ZNF333: variants seen among roughly 807,000 people sequenced by gnomAD.
The protein encoded by ZNF333 is zinc finger protein 333.
ZNF333 carries 61 observed loss-of-function variants against 76.1 expected under a neutral mutation model. That is an observed-to-expected ratio of 0.80 (90% CI 0.65 to 0.99). ZNF333 has a LOEUF of 0.99. Ranked by LOEUF, ZNF333 falls within the 50% of genes least tolerant of loss-of-function variation. ZNF333 has a pLI of 0.00. For synonymous variants in ZNF333, 284 were observed against 305.0 expected, an observed-to-expected ratio of 0.93 and a Z score of 0.72; for missense variants, 717 against 822.4, an observed-to-expected ratio of 0.87 and a Z score of 1.57.
chr19:14,706,345 G>T (rs2042110038), intron 6 of ZNF333: 2 of 388,268 alleles, frequency 5.2e-6, no homozygotes, highest in African/African-American at 2.1e-5. Flanking sequence ...ATTCACGCAG[G>T]TCCACCTCCA....
At chr19:14,711,099 G>A (rs367639120) in intron 7 of ZNF333, among the ~76,000 whole-genome samples, 26 of 152,282 alleles carry the variant, frequency 1.7e-4, no homozygotes, top group African/African-American at 5.5e-4. Context: ...TGAGGGATCT[G>A]CCCCCAAGTC....
intron 5 of ZNF333, among the ~76,000 whole-genome samples, chr19:14,704,699 C>T (rs899902274): frequency 6.6e-6 from 1 of 152,208 alleles, no homozygotes; most frequent in Non-Finnish European, 1.5e-5. Context: ...TCTCGTGAGA[C>T]TTACTCATTA....
chr19:14,696,731 C>CTTTT (rs55742444), intron 4 of ZNF333, among the ~76,000 whole-genome samples: 2 of 82,706 alleles, frequency 2.4e-5, no homozygotes, highest in African/African-American at 5.1e-5. Context: ...ACCTAATCAC[C>CTTTT]TTTTTTTTTT....
At chr19:14,691,207 T>C (rs985442188) in intron 1 of ZNF333, among the ~76,000 whole-genome samples, 1 of 152,236 alleles carries the variant, frequency 6.6e-6, no homozygotes, top group East Asian at 1.9e-4. Flanking sequence ...AGTTTCTCAC[T>C]GTTAGGTTAA....
intron 8 of ZNF333, 35 bp downstream of exon 8, chr19:14,715,505 C>G (rs376820991): frequency 2.2e-5 from 35 of 1,586,474 alleles, no homozygotes; most frequent in Non-Finnish European, 3.0e-5. Context: ...AAGAACACTG[C>G]TGTGCCCAAA....
chr19:14,730,870 C>G (rs1191184234), intron 11 of ZNF333, among the ~76,000 whole-genome samples: 2 of 151,526 alleles, frequency 1.3e-5, no homozygotes, highest in Non-Finnish European at 2.9e-5. Flanking sequence ...TCACGTGTAC[C>G]CAATATTTAG....
intron 10 of ZNF333, 42 bp from the exon 11 acceptor site, chr19:14,717,614 CT>C (rs1368323917): frequency 6.3e-7 from 1 of 1,574,864 alleles, no homozygotes; most frequent in Non-Finnish European, 8.7e-7. Flanking sequence ...CCCACAGTTT[CT>C]TTCTCTGTGT....
At chr19:14,727,037 T>TC (rs977117625) in intron 11 of ZNF333, among the ~76,000 whole-genome samples, 2 of 144,912 alleles carry the variant, frequency 1.4e-5, no homozygotes, top group Non-Finnish European at 3.0e-5. Flanking sequence ...TTTTTTTTTT[T>TC]TTTTTTTTTT....
At chr19:14,700,418 G>T (rs1973593581) in intron 5 of ZNF333, 1 of 152,270 alleles carries the variant, frequency 6.6e-6, no homozygotes, top group African/African-American at 2.4e-5. Flanking sequence ...CTGTAACCTG[G>T]ATGTGGGTGA....
At chr19:14,699,130 A>G in intron 4 of ZNF333, 69 bp from the exon 5 acceptor site, 2 of 1,175,728 alleles carry the variant, frequency 1.7e-6, no homozygotes, top group South Asian at 1.2e-5. Flanking sequence ...ATATATGTGA[A>G]TATATATTTT....
chr19:14,720,825 AC>A lies in ZNF333; in HGVS notation c.*1501del. 1.0e-6 allele frequency: 1 copy of A among 974,216 alleles called. No homozygotes were observed. The highest frequency in any genetic ancestry group is 5.3e-4 in the Middle Eastern group (1 of 1,902). The allele number at this position is 974,216 out of a possible 1,614,324, so 60.3% of individuals were successfully genotyped here. A position where few individuals can be genotyped will look rare whatever the true frequency, so the allele number is the denominator to read the frequency against. On this transcript the variant is annotated 3_prime_UTR_variant, in exon 12 of 12. Transcript: ENST00000292530. Reference sequence around the variant, plus strand: ...GCATTTATTGAGAGAGGTATGTTAAACTCTCCCACCATGATTATGTATTGCT... The same window carrying A: ...GCATTTATTGAGAGAGGTATGTTAAATCTCCCACCATGATTATGTATTGCT...
Position 14,717,062 on chromosome 19 carries a change from A to G in ZNF333, c.796A>G (p.Arg266Gly). Residue 266 changes from arginine (R) to glycine (G), a missense_variant, in exon 10 of 12, where the codon AGG becomes GGG. Coordinates refer to ENST00000292530, the MANE Select transcript of ZNF333 (RefSeq NM_032433.4). ...EERGEQWTTDRGVLSDTCAEP... is the reference protein window; with the variant it reads ...EERGEQWTTDGGVLSDTCAEP... ...AAGAGGAGAGCAGTGGACCACTGAC[A>G]GGGGCGTCCTCTCAGACACCTGTGC... The G allele has an allele frequency of 6.2e-7, 1 of 1,609,904 alleles. No individual in the cohort carries two copies.
Position 14,693,313 on chromosome 19 carries a change from C to A in ZNF333, c.-41-138C>A, listed in dbSNP as rs1186190734. On this transcript the variant is annotated intron_variant, in intron 1 of 11. Transcript: ENST00000292530. ...ACTAGAGGCTGTTGTTTGAAAGGTG[C>A]CTTGGGGGCCAACATGTTGCTTATG... 3 of 508,242 alleles carry A rather than the reference C, an allele frequency of 5.9e-6. No homozygotes were observed. The Admixed American group carries it at 1.0e-4, about 18-fold the overall frequency. 31.5% of individuals were successfully genotyped at this position (508,242 alleles called of 1,614,324 possible).
intron 8 of ZNF333, among the ~76,000 whole-genome samples, chr19:14,715,778 T>C (rs144696157): frequency 6.6e-6 from 1 of 152,350 alleles, no homozygotes; most frequent in Non-Finnish European, 1.5e-5. Flanking sequence ...CTCTTGCCTG[T>C]ACCATGCTCA....
chr19:14,700,069 T>C (rs1458089186), intron 5 of ZNF333: 1 of 152,236 alleles, frequency 6.6e-6, no homozygotes, highest in East Asian at 1.9e-4. Flanking sequence ...CAGTGGCATG[T>C]TCATGGCTCA....
At chr19:14,731,565 G>A (rs759043013) in exon 12 of ZNF333, 36 of 202,028 alleles carry the variant, frequency 1.8e-4, no homozygotes, top group Non-Finnish European at 3.1e-4. Flanking sequence ...TTCTTCAAAC[G>A]TGTACCCTAG....
intron 6 of ZNF333, among the ~76,000 whole-genome samples, chr19:14,705,682 T>C (rs2042088718): frequency 6.6e-6 from 1 of 152,226 alleles, no homozygotes; most frequent in Admixed American, 6.5e-5. Context: ...GGAACCAGGC[T>C]GCAGAGCAGG....
chr19:14,710,281 C>T (rs1320408200), intron 7 of ZNF333, among the ~76,000 whole-genome samples: 5 of 152,156 alleles, frequency 3.3e-5, no homozygotes, highest in African/African-American at 9.7e-5. Flanking sequence ...CTGTGAGGAG[C>T]GTGGGCTCAG....
chr19:14,718,748 G>C lies in ZNF333; in HGVS notation c.1421G>C (p.Gly474Ala), dbSNP rs1396991436. The C allele has an allele frequency of 6.2e-7, 1 of 1,614,132 alleles. No individual in the cohort carries two copies. The highest frequency in any genetic ancestry group is 8.5e-7 in the Non-Finnish European group (1 of 1,180,026). The part of the protein sequence containing the change: ...SLRSHVRTHT[G>A]EKPFECSQCG... ...AGGAGCCACGTGAGAACTCACACTGGAGAGAAGCCCTTTGAATGCAGCCAG... is the reference window on the plus strand; with the variant it reads ...AGGAGCCACGTGAGAACTCACACTGCAGAGAAGCCCTTTGAATGCAGCCAG... Residue 474 changes from glycine (G) to alanine (A), a missense_variant, in exon 12 of 12, where the codon GGA (glycine) becomes GCA (alanine). Gly to Ala is a moderately conservative substitution (Grantham distance 60, BLOSUM62 0). Coordinates refer to ENST00000292530, the MANE Select transcript of ZNF333 (RefSeq NM_032433.4).
Sources: gnomAD v4.1 joint callset for allele counts (sites outside exome capture counted in the v4.1 genomes callset) on GRCh38, gnomAD v4.1.1 for gene constraint, MANE v1.5 for transcripts, NCBI Gene and HGNC (gene_info 2026-07-23, HGNC 2026-07-21) for gene names.